The following FOXP2 variants were observed in gnomAD, a reference collection of about 807,000 sequenced individuals.
The protein encoded by FOXP2 is forkhead box protein P2.
FOXP2 carries 12 observed loss-of-function variants against 115.8 expected under a neutral mutation model. The ratio of observed to expected loss-of-function variants is 0.10; its 90% CI spans 0.07 to 0.17. The LOEUF (loss-of-function observed/expected upper bound fraction) is 0.17. Among genes scored for constraint, FOXP2 ranks in the 10% least tolerant of loss-of-function variants. FOXP2 has a pLI of 1.00. For synonymous variants in FOXP2, 328 were observed against 297.7 expected (o/e 1.10, Z -1.05); for missense variants, 629 against 843.5 (o/e 0.75, Z 3.15).
At chr7:114,343,133 T>C (rs956249593) in intron 2 of FOXP2, among the ~76,000 whole-genome samples, 2 of 151,580 alleles carry the variant, frequency 1.3e-5, no homozygotes, top group East Asian at 1.9e-4. Context: ...ATTTGTATAA[T>C]ACTTCATGGT....
At chr7:114,185,882 C>T (rs1318031509) in intron 1 of FOXP2, among the ~76,000 whole-genome samples, 2 of 152,020 alleles carry the variant, frequency 1.3e-5, no homozygotes, top group Admixed American at 6.5e-5. Flanking sequence ...TTATAATCAA[C>T]AGAAATTTAT....
At chr7:114,380,415 C>T (rs1792260943) in intron 2 of FOXP2, among the ~76,000 whole-genome samples, 2 of 152,242 alleles carry the variant, frequency 1.3e-5, no homozygotes, top group Middle Eastern at 3.4e-3. Flanking sequence ...TTCAAGTATT[C>T]CATTATCACT....
chr7:114,536,963 A>G (rs1469035035), intron 3 of FOXP2, among the ~76,000 whole-genome samples: 2 of 151,282 alleles, frequency 1.3e-5, no homozygotes, highest in African/African-American at 4.8e-5. Context: ...TTGTATTAAA[A>G]CTCCAATAAA....
At chr7:114,451,089 T>C (rs1333399151) in intron 2 of FOXP2, among the ~76,000 whole-genome samples, 1 of 152,110 alleles carries the variant, frequency 6.6e-6, no homozygotes, top group East Asian at 1.9e-4. Context: ...ATGTTTTTTA[T>C]AGTGTACATA....
rs960033369 is a variant in FOXP2, at chr7:114,671,197, CT to C, written c.2003+6770del. ...TTATGCCAGCTCTTTATCATCTCAT[CT>C]TTTTTTTTAAGTGCTACAAGTGTGG... On this transcript the variant is annotated intron_variant, in intron 16 of 16. Coordinates refer to ENST00000350908, the MANE Select transcript of FOXP2 (RefSeq NM_014491.4). 2.9e-3 allele frequency among the ~76,000 whole-genome samples: 433 copies of C among 150,860 alleles called. 3 individuals carry two copies. The highest frequency in any genetic ancestry group is 0.01 in the African/African-American group (414 of 41,220).
chr7:114,118,114 G>A (rs1791458121), intron 1 of FOXP2, among the ~76,000 whole-genome samples: 1 of 152,054 alleles, frequency 6.6e-6, no homozygotes, highest in East Asian at 1.9e-4. Flanking sequence ...CACCATAGCT[G>A]TACATATTTC....
intron 1 of FOXP2, among the ~76,000 whole-genome samples, chr7:114,174,339 T>C (rs1035239040): frequency 6.6e-5 from 10 of 151,972 alleles, no homozygotes; most frequent in Admixed American, 5.9e-4. Context: ...ATTCAGGAAA[T>C]AGGGATTTTA....
At chr7:114,454,460 G>C (rs1383008391) in intron 2 of FOXP2, among the ~76,000 whole-genome samples, 1 of 151,888 alleles carries the variant, frequency 6.6e-6, no homozygotes, top group Non-Finnish European at 1.5e-5. Context: ...AGTCAGTGTG[G>C]CGATTCCTCA....
intron 2 of FOXP2, among the ~76,000 whole-genome samples, chr7:114,333,918 C>T (rs997762324): frequency 2.0e-5 from 3 of 151,268 alleles, no homozygotes; most frequent in Admixed American, 6.6e-5. Context: ...TACATTTATA[C>T]TTGGTGCGGA....
chr7:114,517,297 C>T (rs1239683495), intron 2 of FOXP2, among the ~76,000 whole-genome samples: 1 of 151,944 alleles, frequency 6.6e-6, no homozygotes, highest in South Asian at 2.1e-4. Flanking sequence ...TTCCATAGGT[C>T]GTCTCTTTAT....
chr7:114,086,472 G>GCC (rs200867210), upstream of FOXP2: 5 of 337,404 alleles, frequency 1.5e-5, no homozygotes, highest in African/African-American at 2.3e-5. Flanking sequence ...GGCTTCCTCG[G>GCC]CCCCCCCCCT....
intron 3 of FOXP2, among the ~76,000 whole-genome samples, chr7:114,615,736 G>A (rs1335247073): frequency 6.6e-6 from 1 of 152,176 alleles, no homozygotes; most frequent in Non-Finnish European, 1.5e-5. Context: ...AGAATATAAA[G>A]AGAGACTGTA....
At chr7:114,525,202 A>G (rs764746080) in intron 2 of FOXP2, among the ~76,000 whole-genome samples, 4 of 152,218 alleles carry the variant, frequency 2.6e-5, no homozygotes, top group Non-Finnish European at 5.9e-5. Flanking sequence ...CTAGTATTAT[A>G]TATTTCCAAG....
intron 16 of FOXP2, among the ~76,000 whole-genome samples, chr7:114,681,525 C>G (rs1808080363): frequency 6.6e-6 from 1 of 152,082 alleles, no homozygotes; most frequent in African/African-American, 2.4e-5. Context: ...TAATGACAAG[C>G]TAATGATGAG....
intron 1 of FOXP2, among the ~76,000 whole-genome samples, chr7:114,121,376 C>T (rs1214802896): frequency 2.6e-5 from 4 of 152,024 alleles, no homozygotes; most frequent in African/African-American, 7.2e-5. Flanking sequence ...TTTTCAGCCA[C>T]CAGTCTATGG....
intron 2 of FOXP2, among the ~76,000 whole-genome samples, chr7:114,370,895 G>C (rs1274204078): frequency 6.6e-6 from 1 of 152,092 alleles, no homozygotes; most frequent in Non-Finnish European, 1.5e-5. Flanking sequence ...TTTAATGAAT[G>C]AAAGAATTTA....
chr7:114,609,090 G>A (rs189114937), intron 3 of FOXP2, among the ~76,000 whole-genome samples: 15 of 152,010 alleles, frequency 9.9e-5, no homozygotes, highest in African/African-American at 3.6e-4. Context: ...GCGGGCATCT[G>A]TAATCCCAGC....
chr7:114,491,699 A>G (rs1297346737), intron 2 of FOXP2, among the ~76,000 whole-genome samples: 2 of 152,082 alleles, frequency 1.3e-5, no homozygotes, highest in Non-Finnish European at 2.9e-5. Flanking sequence ...TTCTGTTTAT[A>G]TGCTGGATTA....
At chr7:114,319,816 T>A (rs1797373551) in intron 2 of FOXP2, among the ~76,000 whole-genome samples, 1 of 152,256 alleles carries the variant, frequency 6.6e-6, no homozygotes, top group Non-Finnish European at 1.5e-5. Context: ...TTATTTTGAT[T>A]GCTGGCTGCT....
Sources: gnomAD v4.1 joint callset for allele counts (sites outside exome capture counted in the v4.1 genomes callset) on GRCh38, gnomAD v4.1.1 for gene constraint, MANE v1.5 for transcripts, NCBI Gene and HGNC (gene_info 2026-07-23, HGNC 2026-07-21) for gene names.